STAG2: variants seen among roughly 807,000 people sequenced by gnomAD.
The protein encoded by STAG2 is cohesin subunit SA-2.
In STAG2, 14 loss-of-function variants were observed where a neutral mutation model predicts 108.1. The ratio of observed to expected loss-of-function variants is 0.13; its 90% CI spans 0.09 to 0.20. The LOEUF (loss-of-function observed/expected upper bound fraction) is 0.20, where lower values mean the gene tolerates loss of function less well. STAG2 is among the 10% of genes least tolerant of loss of function. The pLI is 1.00. For missense variants in STAG2, 440 were observed against 940.9 expected (o/e 0.47, Z 6.96); for synonymous variants, 307 against 302.7 (o/e 1.01, Z -0.15).
In STAG2 at chrX:124,100,840, C is replaced by A; in HGVS notation, c.*243C>A. On this transcript the variant is annotated 3_prime_UTR_variant, in exon 35 of 35. Coordinates refer to ENST00000371145, the MANE Select transcript of STAG2 (RefSeq NM_001042750.2). ...TTAGAAAGTAAATATTTTATTTATG[C>A]GCTGTTAGTTGGCTTTTGAATCGAT... 1 of 258,454 alleles carries A rather than the reference C, an allele frequency of 3.9e-6. No individual in the cohort carries two copies. The highest frequency in any genetic ancestry group is 6.9e-6 in the Non-Finnish European group (1 of 145,830). The allele number at this position is 258,454 out of a possible 1,213,427, so 21.3% of individuals were successfully genotyped here.
intron 25 of STAG2, among the ~76,000 whole-genome samples, chrX:124,072,027 T>A (rs988918497): frequency 9.0e-6 from 1 of 111,404 alleles, no homozygotes; most frequent in African/African-American, 3.3e-5. Flanking sequence ...TATTTTTATT[T>A]TTTAGAAACA....
rs745650095 is a variant in STAG2 at position 124,061,719 on chromosome X, A to G, written c.1535-52A>G. The G allele has an allele frequency of 1.5e-5, 14 of 961,795 alleles. No homozygotes were observed. The East Asian group carries it at 4.3e-4, about 30-fold the overall frequency. 79.3% of individuals were successfully genotyped at this position (961,795 alleles called of 1,213,427 possible). A position where few individuals can be genotyped will look rare whatever the true frequency, so the allele number is the denominator to read the frequency against. ...ATAATTACAAGTGGCATATAGGGAG[A>G]AGAAATAAGCTAACTCTTTCTGACT... On this transcript the variant is annotated intron_variant, in intron 16 of 34. Transcript: ENST00000371145.
intron 1 of STAG2, among the ~76,000 whole-genome samples, chrX:123,982,152 G>A (rs891975048): frequency 2.0e-4 from 21 of 102,679 alleles, no homozygotes; most frequent in Non-Finnish European, 3.6e-4. Flanking sequence ...AAGAGACTGG[G>A]TAACAGCAAG....
At chrX:124,066,096 C>A (rs2148339980) in intron 21 of STAG2, 79 bp from the exon 22 acceptor site, 2 of 971,765 alleles carry the variant, frequency 2.1e-6, no homozygotes, top group South Asian at 5.5e-5. Flanking sequence ...TGTTAACAGT[C>A]AAGTCCAAAA....
At chrX:123,969,952 GTTTTTTTTTT>G (rs749744551) in intron 1 of STAG2, among the ~76,000 whole-genome samples, 19 of 39,163 alleles carry the variant, frequency 4.9e-4, no homozygotes, top group South Asian at 3.5e-3. Context: ...CGGTCTTCCT[GTTTTTTTTTT>G]TTTTTTTTTT....
chrX:124,061,377 A>G (rs962830056), intron 16 of STAG2, 36 bp downstream of exon 16: 14 of 990,883 alleles, frequency 1.4e-5, no homozygotes, highest in Non-Finnish European at 2.0e-5. Context: ...TTGTTTAGAC[A>G]GTTTTGTAAG....
At chrX:123,987,556 T>G (rs1298511510) in intron 1 of STAG2, among the ~76,000 whole-genome samples, 21 of 112,273 alleles carry the variant, frequency 1.9e-4, no homozygotes, top group Non-Finnish European at 3.9e-4. Context: ...CCTTTAAATT[T>G]TTTTGTAGCG....
chrX:124,072,951 G>A (rs1205973675), intron 25 of STAG2, among the ~76,000 whole-genome samples: 3 of 90,595 alleles, frequency 3.3e-5, no homozygotes, highest in Non-Finnish European at 6.3e-5. Context: ...CACCATGTTG[G>A]CCAGGCTGGT....
At chrX:124,079,181 C>T (rs1258035457) in intron 27 of STAG2, among the ~76,000 whole-genome samples, 1 of 105,094 alleles carries the variant, frequency 9.5e-6, no homozygotes. Flanking sequence ...CCCTGTCGCC[C>T]AGGCTGGAGT....
chrX:123,988,849 TAGAG>T (rs1009845261), intron 1 of STAG2, among the ~76,000 whole-genome samples: 1 of 111,700 alleles, frequency 9.0e-6, no homozygotes, highest in Non-Finnish European at 1.9e-5. Flanking sequence ...TTTGAAAACT[TAGAG>T]AATGCTTTTT....
At chrX:123,997,335 T>C (rs1237546839) in intron 1 of STAG2, among the ~76,000 whole-genome samples, 1 of 112,309 alleles carries the variant, frequency 8.9e-6, no homozygotes, top group Non-Finnish European at 1.9e-5. Context: ...ATTTTAACTT[T>C]TGAAGTGCAC....
chrX:124,073,174 TG>T (rs1289720817), intron 25 of STAG2, among the ~76,000 whole-genome samples: 5 of 111,482 alleles, frequency 4.5e-5, no homozygotes. Context: ...ATCCAAAAAA[TG>T]AATAGGACTT....
At chrX:124,039,187 GT>G (rs1370640433) in intron 6 of STAG2, among the ~76,000 whole-genome samples, 2 of 105,764 alleles carry the variant, frequency 1.9e-5, no homozygotes, top group African/African-American at 7.0e-5. Context: ...AGAGAGTCTT[GT>G]TCTTTCATCC....
At chrX:124,063,699 A>G (rs1603085876) in intron 19 of STAG2, 149 bp from the exon 20 acceptor site, 2 of 457,766 alleles carry the variant, frequency 4.4e-6, no homozygotes, top group Non-Finnish European at 3.8e-6. Flanking sequence ...GTATTTATTT[A>G]TCATGATTAG....
rs763157183 is a variant in STAG2, at chrX:124,094,178, GT to G, written c.3705+37del. 3.4e-6 allele frequency: 4 copies of G among 1,161,343 alleles called. No homozygotes were observed. The South Asian group carries it at 5.7e-5, about 16-fold the overall frequency. ...CTTAATGATTTCTGTAAGATTTTCA[GT>G]TTAGATCTTTTGAAAATTATGTTGG... On this transcript the variant is annotated intron_variant, in intron 33 of 34. Coordinates refer to ENST00000371145, the MANE Select transcript of STAG2 (RefSeq NM_001042750.2).
intron 1 of STAG2, among the ~76,000 whole-genome samples, chrX:124,015,522 T>C (rs1361599480): frequency 9.2e-6 from 1 of 109,007 alleles, no homozygotes; most frequent in Non-Finnish European, 1.9e-5. Flanking sequence ...GTAGCTGGGA[T>C]TACAGGTGCA....
Position 124,061,166 on chromosome X carries a change from T to C in STAG2, c.1417-58T>C, listed in dbSNP as rs2058366033. 4 of 854,597 alleles carry C rather than the reference T, an allele frequency of 4.7e-6. No individual in the cohort carries two copies. The Admixed American group carries it at 1.3e-4, about 27-fold the overall frequency. The allele number at this position is 854,597 out of a possible 1,213,427, so 70.4% of individuals were successfully genotyped here. ...TGATGTCAATAAAGTTTCCATTCTT[T>C]TGAGTTAAGGCTAGTATGATAATTG... On this transcript the variant is annotated intron_variant, in intron 15 of 34. Coordinates refer to ENST00000371145, the MANE Select transcript of STAG2 (RefSeq NM_001042750.2).
rs2059113999 is a variant in STAG2 at position 124,086,548 on chromosome X, T to G, written c.3055T>G (p.Tyr1019Asp). 8.4e-7 allele frequency: 1 copy of G among 1,196,080 alleles called. No homozygotes were observed. Among genetic ancestry groups the G allele is most frequent in the Admixed American group, 2.2e-5 (1 of 45,364 alleles). Residue 1019 changes from tyrosine (Y) to aspartate (D), a missense_variant and splice_region_variant, in exon 30 of 35, where the codon TAT (tyrosine) becomes GAT (aspartate). Around this residue, in one of 3 missense-constraint regions of STAG2, gnomAD observed 337 missense variants for 649.3 expected, o/e 0.52. Transcript: ENST00000371145. ...KLLRQDKRTV[Y>D]VYLEKFMTFQ... ...TAACAGTTTCGATTTCTTTTCAAGG[T>G]ATGTTTACTTGGAAAAGTTCATGAC...
chrX:124,054,271 C>T (rs1198961187), intron 13 of STAG2, among the ~76,000 whole-genome samples: 4 of 111,970 alleles, frequency 3.6e-5, no homozygotes, highest in South Asian at 3.7e-4. Context: ...AATATAAGCA[C>T]TTTATATGGA....
Sources: allele counts gnomAD v4.1 joint callset (sites outside exome capture counted in the v4.1 genomes callset), GRCh38; gene constraint gnomAD v4.1.1; regional missense constraint gnomAD v4.1.1; transcripts MANE v1.5; gene names NCBI Gene and HGNC (gene_info 2026-07-23, HGNC 2026-07-21).